PRKG1: variants seen among roughly 807,000 people sequenced by gnomAD.
PRKG1 encodes the protein cGMP-dependent protein kinase 1.
PRKG1 carries 35 observed loss-of-function variants against 88.1 expected under a neutral mutation model. The ratio of observed to expected loss-of-function variants is 0.40; its 90% CI spans 0.30 to 0.53. The LOEUF (loss-of-function observed/expected upper bound fraction) is 0.53. Ranked by LOEUF, PRKG1 falls within the 20% of genes least tolerant of loss-of-function variation. The pLI, the probability that PRKG1 is intolerant of heterozygous loss-of-function variation, is 0.59. For synonymous variants in PRKG1, 303 were observed against 292.5 expected, an observed-to-expected ratio of 1.04 and a Z score of -0.37; for missense variants, 540 against 839.8, an observed-to-expected ratio of 0.64 and a Z score of 4.41.
chr10:51,379,591 C>T (rs1842880766), intron 2 of PRKG1, among the ~76,000 whole-genome samples: 1 of 152,172 alleles, frequency 6.6e-6, no homozygotes, highest in Non-Finnish European at 1.5e-5. Context: ...TGTAGCTGGA[C>T]ATTTTGGTTA....
At chr10:50,999,460 G>A (rs987947169) in intron 1 of PRKG1, among the ~76,000 whole-genome samples, 49 of 152,020 alleles carry the variant, frequency 3.2e-4, no homozygotes, top group Admixed American at 4.6e-4. Flanking sequence ...TTATCCTCTC[G>A]GACTTATTCC....
At chr10:52,155,227 C>G (rs1838059743) in intron 8 of PRKG1, among the ~76,000 whole-genome samples, 1 of 152,068 alleles carries the variant, frequency 6.6e-6, no homozygotes, top group South Asian at 2.1e-4. Flanking sequence ...TAAGGAATCT[C>G]CATACTATTT....
chr10:51,903,294 C>T (rs964652813), intron 4 of PRKG1, among the ~76,000 whole-genome samples: 1 of 152,038 alleles, frequency 6.6e-6, no homozygotes, highest in Non-Finnish European at 1.5e-5. Flanking sequence ...TTGATAAAGA[C>T]ACTTTTGGAC....
chr10:51,323,620 A>G (rs1025594719), intron 2 of PRKG1, among the ~76,000 whole-genome samples: 1 of 152,218 alleles, frequency 6.6e-6, no homozygotes, highest in Non-Finnish European at 1.5e-5. Flanking sequence ...ATATTTCTGC[A>G]TTCTACAAGA....
intron 10 of PRKG1, among the ~76,000 whole-genome samples, chr10:52,270,480 A>C (rs1446425248): frequency 2.0e-5 from 3 of 152,088 alleles, no homozygotes; most frequent in Non-Finnish European, 4.4e-5. Flanking sequence ...CAAGTGTCCA[A>C]CAATGATAGA....
chr10:51,743,678 ATATATAATTTAT>A (rs1385082240), intron 3 of PRKG1, among the ~76,000 whole-genome samples: 6 of 137,506 alleles, frequency 4.4e-5, no homozygotes, highest in African/African-American at 1.4e-4. Flanking sequence ...ATATTTATAT[ATATATAATTTAT>A]TATATATATA....
chr10:51,409,606 C>T (rs1838020209), intron 2 of PRKG1, among the ~76,000 whole-genome samples: 1 of 151,786 alleles, frequency 6.6e-6, no homozygotes, highest in African/African-American at 2.4e-5. Context: ...TCTGTAATAC[C>T]AACACGGGGA....
chr10:51,857,955 C>T (rs1047542371), intron 4 of PRKG1, among the ~76,000 whole-genome samples: 3 of 148,750 alleles, frequency 2.0e-5, no homozygotes, highest in Non-Finnish European at 4.4e-5. Context: ...GATGCTATTA[C>T]CTAGATTCTC....
chr10:51,069,850 A>G (rs118034573), upstream of PRKG1, among the ~76,000 whole-genome samples: 1,545 of 152,254 alleles, frequency 0.01, 20 homozygotes, highest in Middle Eastern at 0.061. Flanking sequence ...TTAGTTTTAA[A>G]GACAGGACAA....
rs539931356 is a variant in PRKG1 at position 51,899,746 on chromosome 10, T to C, written c.699-7761T>C. ...AACTTGATAAAAGACTGGATTCTCA[T>C]ATTGATATGGTTTGGATGTGTGGCC... On this transcript the variant is annotated intron_variant, in intron 4 of 17. Coordinates refer to ENST00000373980, the MANE Select transcript of PRKG1 (RefSeq NM_006258.4). Among the ~76,000 whole-genome samples, 788 of 150,186 alleles carry C rather than the reference T, an allele frequency of 5.2e-3. 2 individuals are homozygous for C. The highest frequency in any genetic ancestry group is 0.021 in the Middle Eastern group (6 of 286).
chr10:51,941,070 A>T (rs913929831), intron 5 of PRKG1, among the ~76,000 whole-genome samples: 1 of 151,974 alleles, frequency 6.6e-6, no homozygotes, highest in Non-Finnish European at 1.5e-5. Flanking sequence ...TTCAGGATCC[A>T]TCCATTGTAA....
Position 51,949,679 on chromosome 10 carries a change from G to A in PRKG1, c.762+42109G>A, listed in dbSNP as rs140766675. The stretch of plus-strand genomic sequence containing the variant: ...TTATTGAGAACTTCTTGCTTCCAGG[G>A]TGGTAGCTGTGATAAAATAATTCTC... On this transcript the variant is annotated intron_variant, in intron 5 of 17. Transcript: ENST00000373980. 6.3e-3 allele frequency among the ~76,000 whole-genome samples: 953 copies of A among 152,168 alleles called. 10 individuals are homozygous for A. Among genetic ancestry groups the A allele is most frequent in the African/African-American group, 0.022 (897 of 41,510 alleles).
intron 9 of PRKG1, chr10:52,185,047 C>T (rs1564507314): frequency 6.6e-6 from 1 of 152,238 alleles, no homozygotes; most frequent in African/African-American, 2.4e-5. Flanking sequence ...CTTATGTCCT[C>T]ACATTGCAAA....
chr10:51,306,127 C>T (rs576894168), intron 2 of PRKG1, among the ~76,000 whole-genome samples: 1 of 152,302 alleles, frequency 6.6e-6, no homozygotes, highest in East Asian at 1.9e-4. Flanking sequence ...TTTAGGGCCT[C>T]ACAGTAACAG....
intron 2 of PRKG1, among the ~76,000 whole-genome samples, chr10:51,186,799 G>A (rs996111634): frequency 4.0e-5 from 6 of 151,454 alleles, no homozygotes; most frequent in Admixed American, 4.0e-4. Flanking sequence ...TTCACCTTCT[G>A]AGATCTCTTG....
chr10:51,923,167 C>G (rs776767071), intron 5 of PRKG1, among the ~76,000 whole-genome samples: 2 of 151,934 alleles, frequency 1.3e-5, no homozygotes, highest in African/African-American at 2.4e-5. Flanking sequence ...GTCCTGATAA[C>G]TTTTCTTGCT....
chr10:51,650,416 T>C (rs1171384057), intron 3 of PRKG1, among the ~76,000 whole-genome samples: 1 of 152,204 alleles, frequency 6.6e-6, no homozygotes, highest in Non-Finnish European at 1.5e-5. Context: ...TATCTTTTCA[T>C]GTGAGTTAGA....
At chr10:51,938,660 C>A (rs1842845399) in intron 5 of PRKG1, among the ~76,000 whole-genome samples, 1 of 151,920 alleles carries the variant, frequency 6.6e-6, no homozygotes, top group African/African-American at 2.4e-5. Flanking sequence ...AAGACACCTG[C>A]ACATGTGATG....
At chr10:51,862,059 G>A (rs1475407920) in intron 4 of PRKG1, among the ~76,000 whole-genome samples, 1 of 152,242 alleles carries the variant, frequency 6.6e-6, no homozygotes. Flanking sequence ...GGGTGTTACA[G>A]CCCTTGTCTA....
Sources: gnomAD v4.1 joint callset for allele counts (sites outside exome capture counted in the v4.1 genomes callset) on GRCh38, gnomAD v4.1.1 for gene constraint, MANE v1.5 for transcripts, NCBI Gene and HGNC (gene_info 2026-07-23, HGNC 2026-07-21) for gene names.